SLC12A6: variants seen among roughly 807,000 people sequenced by gnomAD.
SLC12A6 encodes solute carrier family 12 member 6.
SLC12A6 carries 66 observed loss-of-function variants against 135.3 expected under a neutral mutation model. That is an observed-to-expected ratio of 0.49 (90% confidence interval 0.40 to 0.60). SLC12A6 has a LOEUF of 0.60. Among genes scored for constraint, SLC12A6 ranks in the 20% least tolerant of loss-of-function variants. SLC12A6 has a pLI of 0.00. For missense variants in SLC12A6, 1,058 were observed against 1,452.3 expected, an observed-to-expected ratio of 0.73 and a Z score of 4.41; for synonymous variants, 513 against 508.8, an observed-to-expected ratio of 1.01 and a Z score of -0.11.
intron 2 of SLC12A6, among the ~76,000 whole-genome samples, chr15:34,283,372 ATAAT>A (rs891962627): frequency 6.6e-5 from 8 of 121,920 alleles, no homozygotes; most frequent in Non-Finnish European, 1.1e-4. Context: ...AATAGAAAAG[ATAAT>A]TAATAAGATA....
intron 2 of SLC12A6, among the ~76,000 whole-genome samples, chr15:34,294,217 T>C (rs1566846813): frequency 6.6e-6 from 1 of 152,156 alleles, no homozygotes; most frequent in Non-Finnish European, 1.5e-5. Context: ...TCTTGTCCAC[T>C]GCTAATTTAA....
chr15:34,282,524 T>C (rs1411315646), intron 2 of SLC12A6, among the ~76,000 whole-genome samples: 2 of 151,976 alleles, frequency 1.3e-5, no homozygotes, highest in East Asian at 3.9e-4. Context: ...AGGCTGAAGC[T>C]GGAGGACTAC....
intron 7 of SLC12A6, among the ~76,000 whole-genome samples, chr15:34,255,708 C>T (rs1388205014): frequency 3.3e-5 from 5 of 151,890 alleles, no homozygotes; most frequent in South Asian, 2.1e-4. Context: ...TGGAGGTTCA[C>T]GCCTCTAATG....
At chr15:34,331,517 T>C (rs58905828) in intron 2 of SLC12A6, among the ~76,000 whole-genome samples, 3,466 of 152,304 alleles carry the variant, frequency 0.023, 142 homozygotes, top group African/African-American at 0.08. Context: ...CGTACATACA[T>C]TAATATGCCT....
intron 2 of SLC12A6, among the ~76,000 whole-genome samples, chr15:34,316,250 C>T (rs1357200390): frequency 2.6e-5 from 4 of 151,778 alleles, no homozygotes; most frequent in Non-Finnish European, 5.9e-5. Context: ...ATATAACTGG[C>T]CAATGTTGGA....
intron 22 of SLC12A6, 91 bp downstream of exon 22, chr15:34,237,328 T>C: frequency 8.1e-7 from 1 of 1,228,990 alleles, no homozygotes; most frequent in Admixed American, 1.8e-5. Context: ...CATTTAGATC[T>C]GAAAAATTTC....
chr15:34,292,646 G>A (rs1386342854), intron 2 of SLC12A6, among the ~76,000 whole-genome samples: 2 of 152,168 alleles, frequency 1.3e-5, no homozygotes, highest in Non-Finnish European at 2.9e-5. Flanking sequence ...GGTGTGCTCT[G>A]CCCAGTTCGC....
At chr15:34,291,237 A>G (rs1895501145) in intron 2 of SLC12A6, among the ~76,000 whole-genome samples, 1 of 152,168 alleles carries the variant, frequency 6.6e-6, no homozygotes, top group African/African-American at 2.4e-5. Context: ...TCCTTCACTT[A>G]TGAAGCTTAG....
chr15:34,283,922 A>AT (rs531895758), intron 2 of SLC12A6, among the ~76,000 whole-genome samples: 5 of 151,428 alleles, frequency 3.3e-5, no homozygotes, highest in East Asian at 1.9e-4. Flanking sequence ...CAGTTTTTTG[A>AT]TTTTTTTTAT....
In SLC12A6 at chr15:34,287,200, T is replaced by A. The variant is rs530888132; in HGVS notation, c.272-11811A>T. 5.3e-5 allele frequency among the ~76,000 whole-genome samples: 8 copies of A among 152,328 alleles called. No homozygotes were observed. The South Asian group carries it at 1.7e-3, about 32-fold the overall frequency. ...CCCTGTGTCCATGTGTTCTCATTGT[T>A]CAACTCCCACTTATGAGTGAGAACA... On this transcript the variant is annotated intron_variant, in intron 2 of 25. Transcript: ENST00000354181.
intron 15 of SLC12A6, among the ~76,000 whole-genome samples, chr15:34,244,478 T>C (rs1012998120): frequency 6.6e-6 from 1 of 152,226 alleles, no homozygotes; most frequent in Non-Finnish European, 1.5e-5. Flanking sequence ...TTCTAATCCA[T>C]CTTTTATACA....
rs1228572428 is a variant in SLC12A6, at chr15:34,229,993, G to A, written c.*3888C>T. ...ACAAAGAAACTATACCATAACCCAA[G>A]GCTGAAAATAATGTAGAAAACTTTA... On this transcript the variant is annotated 3_prime_UTR_variant, in exon 26 of 26. Transcript: ENST00000354181. The A allele has an allele frequency of 1.7e-5, 10 of 592,340 alleles. No homozygotes were observed. The highest frequency in any genetic ancestry group is 3.0e-5 in the Non-Finnish European group (10 of 337,000). 36.7% of individuals were successfully genotyped at this position (592,340 alleles called of 1,614,324 possible). A position where few individuals can be genotyped will look rare whatever the true frequency, so the allele number is the denominator to read the frequency against.
chr15:34,278,428 A>G (rs1027240646), intron 2 of SLC12A6, among the ~76,000 whole-genome samples: 4 of 151,900 alleles, frequency 2.6e-5, no homozygotes, highest in Non-Finnish European at 4.4e-5. Flanking sequence ...CTCCATCTCA[A>G]AAAAAAAGAA....
intron 3 of SLC12A6, among the ~76,000 whole-genome samples, chr15:34,273,314 G>A (rs1161173147): frequency 1.3e-5 from 2 of 152,142 alleles, no homozygotes; most frequent in Non-Finnish European, 2.9e-5. Context: ...TCGTGCCACC[G>A]CACTCCAGCC....
intron 2 of SLC12A6, chr15:34,314,865 G>A (rs2141096572): frequency 6.6e-6 from 1 of 150,970 alleles, no homozygotes; most frequent in East Asian, 1.9e-4. Flanking sequence ...ACATTGGGAA[G>A]AAGTAGATCC....
chr15:34,281,990 C>CAA (rs141116147), intron 2 of SLC12A6, among the ~76,000 whole-genome samples: 5 of 149,034 alleles, frequency 3.4e-5, no homozygotes, highest in African/African-American at 1.2e-4. Context: ...CTACATATGC[C>CAA]AAAAAAAAAT....
At chr15:34,249,032 G>A (rs746323886) in intron 13 of SLC12A6, among the ~76,000 whole-genome samples, 1 of 152,334 alleles carries the variant, frequency 6.6e-6, no homozygotes, top group Middle Eastern at 3.4e-3. Context: ...CCAGATTACA[G>A]TGATGGATTT....
rs548704212 is a variant in SLC12A6 at position 34,260,547 on chromosome 15, C to T, written c.411+379G>A. ...TGCTGGGATTACAGGCGTGAGCCAC[C>T]GCGCCCGGCCTTGTTTAGTTAGTTC... is the stretch of plus-strand genomic sequence containing the variant. On this transcript the variant is annotated intron_variant, in intron 4 of 25. Transcript: ENST00000354181. 6.6e-5 allele frequency among the ~76,000 whole-genome samples: 10 copies of T among 152,288 alleles called. No homozygotes were observed. In the South Asian group the frequency reaches 1.7e-3, roughly 25 times the overall value.
At chr15:34,273,708 A>G (rs1894112291) in intron 3 of SLC12A6, among the ~76,000 whole-genome samples, 1 of 152,222 alleles carries the variant, frequency 6.6e-6, no homozygotes, top group South Asian at 2.1e-4. Flanking sequence ...AAAGCTCAGC[A>G]GGGATCAAAA....
Sources: gnomAD v4.1 joint callset for allele counts (sites outside exome capture counted in the v4.1 genomes callset) on GRCh38, gnomAD v4.1.1 for gene constraint, MANE v1.5 for transcripts, NCBI Gene and HGNC (gene_info 2026-07-23, HGNC 2026-07-21) for gene names.